The following TRPC5 variants were observed in gnomAD, a reference collection of about 807,000 sequenced individuals.
The protein encoded by TRPC5 is transient receptor potential cation channel subfamily C member 5, also known as short transient receptor potential channel 5.
Under a neutral mutation model 56.5 loss-of-function variants are expected in TRPC5, and 9 were observed. The ratio of observed to expected loss-of-function variants is 0.16; its 90% CI spans 0.10 to 0.28. The LOEUF (loss-of-function observed/expected upper bound fraction) is 0.28. TRPC5 is among the 10% of genes least tolerant of loss of function. The probability of loss-of-function intolerance (pLI) is 1.00; values close to 1 mark genes in which losing one functional copy is unlikely to be tolerated. For synonymous variants in TRPC5, 282 were observed against 278.5 expected, an observed-to-expected ratio of 1.01 and a Z score of -0.13; for missense variants, 469 against 748.9, an observed-to-expected ratio of 0.63 and a Z score of 4.36.
intron 7 of TRPC5, among the ~76,000 whole-genome samples, chrX:111,818,892 C>T (rs1443697001): frequency 1.8e-5 from 2 of 111,763 alleles, no homozygotes; most frequent in Non-Finnish European, 3.8e-5. Flanking sequence ...GCGTGAGCCA[C>T]CGTGCCCGGC....
intron 1 of TRPC5, among the ~76,000 whole-genome samples, chrX:112,009,873 C>A (rs1466285973): frequency 9.0e-6 from 1 of 111,080 alleles, no homozygotes; most frequent in Non-Finnish European, 1.9e-5. Flanking sequence ...GGAGGGATAG[C>A]ATTAGGAGAT....
intron 2 of TRPC5, among the ~76,000 whole-genome samples, chrX:111,949,313 G>T (rs1242660528): frequency 2.7e-5 from 3 of 112,162 alleles, no homozygotes; most frequent in Non-Finnish European, 3.8e-5. Context: ...AAAAGCAAAT[G>T]CAATAAAAAC....
At chrX:111,830,156 C>T (rs967592279) in intron 7 of TRPC5, among the ~76,000 whole-genome samples, 5 of 112,515 alleles carry the variant, frequency 4.4e-5, no homozygotes, top group African/African-American at 6.4e-5. Flanking sequence ...GTTTAATGAC[C>T]GCCCTAGTGG....
intron 1 of TRPC5, among the ~76,000 whole-genome samples, chrX:112,050,371 A>T (rs1930184687): frequency 8.9e-6 from 1 of 112,610 alleles, no homozygotes; most frequent in Admixed American, 9.4e-5. Flanking sequence ...CATGAAAGAC[A>T]AAGTAGTAAT....
chrX:111,840,118 C>T (rs1160743013), intron 6 of TRPC5, among the ~76,000 whole-genome samples: 7 of 112,253 alleles, frequency 6.2e-5, no homozygotes, highest in African/African-American at 2.3e-4. Flanking sequence ...TGCAGTGAGC[C>T]GAGATCGTGC....
rs779548908 is a variant in TRPC5 at position 112,048,971 on chromosome X, G to C, written c.-22+32908C>G. Reference sequence around the variant, plus strand: ...AGTTTGGGTCATTAGAAAGCTAAGGGAGCCTTTCTGCCTTCCATCTTGGTT... The same window carrying C: ...AGTTTGGGTCATTAGAAAGCTAAGGCAGCCTTTCTGCCTTCCATCTTGGTT... On this transcript the variant is annotated intron_variant, in intron 1 of 10. Coordinates refer to ENST00000262839, the MANE Select transcript of TRPC5 (RefSeq NM_012471.3). Among the ~76,000 whole-genome samples, 116 of 112,262 alleles carry C rather than the reference G, an allele frequency of 1.0e-3. 1 individual carries two copies. Among genetic ancestry groups the C allele is most frequent in the Admixed American group, 5.6e-3 (60 of 10,643 alleles).
intron 7 of TRPC5, among the ~76,000 whole-genome samples, chrX:111,796,268 G>C (rs1484008618): frequency 1.8e-5 from 2 of 111,392 alleles, no homozygotes; most frequent in Non-Finnish European, 1.9e-5. Context: ...TTTGACATAG[G>C]ATATGTCATA....
chrX:111,963,936 C>T (rs974954292), intron 1 of TRPC5, among the ~76,000 whole-genome samples: 2 of 112,026 alleles, frequency 1.8e-5, no homozygotes, highest in Non-Finnish European at 3.8e-5. Context: ...TCCAAAGGAA[C>T]GCAGCTCCTC....
intron 7 of TRPC5, among the ~76,000 whole-genome samples, chrX:111,794,519 T>A (rs116173957): frequency 0.025 from 2,808 of 112,311 alleles, 80 homozygotes; most frequent in African/African-American, 0.087. Flanking sequence ...GCATGTTTTG[T>A]TAAGCTTATA....
At chrX:112,054,774 CCTCT>C (rs966550028) in intron 1 of TRPC5, among the ~76,000 whole-genome samples, 3 of 111,228 alleles carry the variant, frequency 2.7e-5, no homozygotes. Flanking sequence ...CTTGAGAAGC[CCTCT>C]CTCTCCATCT....
intron 2 of TRPC5, among the ~76,000 whole-genome samples, chrX:111,918,059 G>A (rs1253608895): frequency 9.0e-6 from 1 of 111,546 alleles, no homozygotes; most frequent in East Asian, 2.8e-4. Flanking sequence ...GGGGAGGAGG[G>A]AAGAGGCTGT....
chrX:111,944,299 TGTGTGA>T (rs754533535), intron 2 of TRPC5, among the ~76,000 whole-genome samples: 980 of 89,008 alleles, frequency 0.011, 24 homozygotes, highest in African/African-American at 0.048. Flanking sequence ...TGTGTGTGTG[TGTGTGA>T]GAGAGAGAGA....
intron 1 of TRPC5, among the ~76,000 whole-genome samples, chrX:111,983,264 G>A (rs765398443): frequency 1.8e-5 from 2 of 111,617 alleles, no homozygotes; most frequent in East Asian, 2.8e-4. Flanking sequence ...AGCCAGGTAC[G>A]CCTTGGTGAG....
rs143345717 is a variant in TRPC5 at position 111,906,654 on chromosome X, C to G, written c.900+5637G>C. 1.9e-4 allele frequency among the ~76,000 whole-genome samples: 18 copies of G among 96,543 alleles called. No homozygotes were observed. The East Asian group carries it at 6.4e-3, about 34-fold the overall frequency. 83.8% of individuals were successfully genotyped at this position (96,543 alleles called of 115,157 possible). Reference sequence around the variant, plus strand: ...CTCAAGTTTTAAAAAGACATGTTGTCTATTTGAAACTTAAGATGTGAATTG... The same window carrying G: ...CTCAAGTTTTAAAAAGACATGTTGTGTATTTGAAACTTAAGATGTGAATTG... On this transcript the variant is annotated intron_variant, in intron 3 of 10. Coordinates refer to ENST00000262839, the MANE Select transcript of TRPC5 (RefSeq NM_012471.3).
At chrX:111,979,736 T>C (rs1440366397) in intron 1 of TRPC5, among the ~76,000 whole-genome samples, 1 of 111,701 alleles carries the variant, frequency 9.0e-6, no homozygotes, top group Non-Finnish European at 1.9e-5. Flanking sequence ...GCATCACTAG[T>C]TTTTAGGTAA....
intron 9 of TRPC5, among the ~76,000 whole-genome samples, chrX:111,779,873 G>A (rs1453342287): frequency 8.9e-6 from 1 of 111,766 alleles, no homozygotes; most frequent in Non-Finnish European, 1.9e-5. Flanking sequence ...TGTACTTGAG[G>A]AACTCACTGA....
intron 3 of TRPC5, among the ~76,000 whole-genome samples, chrX:111,899,926 C>A (rs1232714368): frequency 9.0e-6 from 1 of 111,021 alleles, no homozygotes; most frequent in Non-Finnish European, 1.9e-5. Flanking sequence ...TTGCCTCCAA[C>A]AAAATCGTGC....
rs753735549 is a variant in TRPC5, at chrX:111,888,693, CAAAAA to C, written c.900+23593_900+23597del. On this transcript the variant is annotated intron_variant, in intron 3 of 10. Coordinates refer to ENST00000262839, the MANE Select transcript of TRPC5 (RefSeq NM_012471.3). ...TGGGTGACAGAGCGAGACTCTATCT[CAAAAA>C]AAAAAAAAAAAAAAAAAAAAAGAAA... Among the ~76,000 whole-genome samples, 6 of 10,983 alleles carry C rather than the reference CAAAAA, an allele frequency of 5.5e-4. No individual in the cohort carries two copies. In the East Asian group the frequency reaches 0.014, roughly 26 times the overall value. 9.5% of individuals were successfully genotyped at this position (10,983 alleles called of 115,157 possible). A position where few individuals can be genotyped will look rare whatever the true frequency, so the allele number is the denominator to read the frequency against.
intron 3 of TRPC5, among the ~76,000 whole-genome samples, chrX:111,906,907 G>A (rs1925647771): frequency 9.0e-6 from 1 of 111,410 alleles, no homozygotes; most frequent in South Asian, 3.8e-4. Flanking sequence ...CAGACATTGA[G>A]GAAGTAATCC....
Sources: gnomAD v4.1 joint callset for allele counts (sites outside exome capture counted in the v4.1 genomes callset) on GRCh38, gnomAD v4.1.1 for gene constraint, MANE v1.5 for transcripts, NCBI Gene and HGNC (gene_info 2026-07-23, HGNC 2026-07-21) for gene names.